The following FHIT variants were observed in gnomAD, a reference collection of about 807,000 sequenced individuals.
FHIT encodes fragile histidine triad diadenosine triphosphatase.
FHIT carries 19 observed loss-of-function variants against 17.9 expected under a neutral mutation model. That is an observed-to-expected ratio of 1.06 (90% CI 0.74 to 1.56). FHIT has a LOEUF of 1.56. Ranked by LOEUF, FHIT falls within the 40% of genes most tolerant of loss-of-function variation. The probability of loss-of-function intolerance (pLI) is 0.00; values close to 1 mark genes in which losing one functional copy is unlikely to be tolerated. For missense variants in FHIT, 248 were observed against 189.2 expected, an observed-to-expected ratio of 1.31 and a Z score of -1.82; for synonymous variants, 81 against 69.7, an observed-to-expected ratio of 1.16 and a Z score of -0.81.
intron 5 of FHIT, among the ~76,000 whole-genome samples, chr3:60,057,688 CT>C (rs1207971102): frequency 2.0e-5 from 3 of 150,114 alleles, no homozygotes; most frequent in East Asian, 3.9e-4. Context: ...ACCTTCAGGC[CT>C]CTCGAAAAAA....
chr3:60,036,807 G>C (rs1701236529), intron 5 of FHIT, among the ~76,000 whole-genome samples: 1 of 152,152 alleles, frequency 6.6e-6, no homozygotes, highest in African/African-American at 2.4e-5. Flanking sequence ...CCCCAAGATA[G>C]AGACACATTG....
At chr3:60,886,604 G>T (rs759352382) in intron 3 of FHIT, among the ~76,000 whole-genome samples, 1 of 152,148 alleles carries the variant, frequency 6.6e-6, no homozygotes, top group Non-Finnish European at 1.5e-5. Flanking sequence ...GAAAGGTAGG[G>T]TTTTAAAGCT....
intron 1 of FHIT, among the ~76,000 whole-genome samples, chr3:61,202,339 G>C (rs1316650200): frequency 1.3e-5 from 2 of 149,500 alleles, no homozygotes; most frequent in Non-Finnish European, 3.0e-5. Flanking sequence ...CAGCCGCCCT[G>C]TCTGGGAAGT....
chr3:60,721,653 T>A (rs187958810), intron 4 of FHIT, among the ~76,000 whole-genome samples: 192 of 152,270 alleles, frequency 1.3e-3, no homozygotes, highest in Admixed American at 2.6e-3. Context: ...TTCATGAATA[T>A]AAATTTTTCT....
At chr3:60,270,242 A>C (rs1289815903) in intron 5 of FHIT, among the ~76,000 whole-genome samples, 2 of 152,190 alleles carry the variant, frequency 1.3e-5, no homozygotes, top group African/African-American at 4.8e-5. Context: ...ACAGACTCCG[A>C]CCACAACTGC....
At chr3:60,219,044 A>G (rs545065884) in intron 5 of FHIT, among the ~76,000 whole-genome samples, 4 of 152,246 alleles carry the variant, frequency 2.6e-5, no homozygotes, top group Admixed American at 2.6e-4. Context: ...TTTTACTACC[A>G]TTTTAACCAA....
chr3:60,660,634 T>G (rs1553690842), intron 4 of FHIT, among the ~76,000 whole-genome samples: 3 of 151,876 alleles, frequency 2.0e-5, no homozygotes. Context: ...ATTTTTTTTA[T>G]TTAGCCATTT....
At chr3:60,493,932 C>T (rs986084264) in intron 5 of FHIT, among the ~76,000 whole-genome samples, 2 of 152,022 alleles carry the variant, frequency 1.3e-5, no homozygotes, top group South Asian at 4.1e-4. Flanking sequence ...TTGGTTAAGA[C>T]TTTGCATTAG....
At chr3:60,659,401 T>C (rs9813580) in intron 4 of FHIT, among the ~76,000 whole-genome samples, 7,966 of 152,184 alleles carry the variant, frequency 0.052, 705 homozygotes, top group African/African-American at 0.18. Flanking sequence ...TTCTGAACTC[T>C]CACAATGGGT....
chr3:60,182,083 A>G (rs1701964201), intron 5 of FHIT, among the ~76,000 whole-genome samples: 1 of 152,222 alleles, frequency 6.6e-6, no homozygotes, highest in Non-Finnish European at 1.5e-5. Context: ...ACGATATGAG[A>G]TAACTTCTAG....
At chr3:60,688,203 A>C (rs544232355) in intron 4 of FHIT, among the ~76,000 whole-genome samples, 1 of 152,262 alleles carries the variant, frequency 6.6e-6, no homozygotes, top group East Asian at 1.9e-4. Context: ...TCCTCTTTTC[A>C]ACATATCAGG....
intron 7 of FHIT, among the ~76,000 whole-genome samples, chr3:59,998,984 G>C (rs758808713): frequency 6.6e-6 from 1 of 152,030 alleles, no homozygotes; most frequent in African/African-American, 2.4e-5. Flanking sequence ...CTCTGAGGCC[G>C]GGCTCCAAAG....
intron 5 of FHIT, among the ~76,000 whole-genome samples, chr3:60,106,543 G>A (rs1001112962): frequency 2.0e-5 from 3 of 152,144 alleles, no homozygotes; most frequent in African/African-American, 7.2e-5. Flanking sequence ...ATTAGGTTCG[G>A]TACCATCTGT....
chr3:60,876,255 C>T (rs1704648423), intron 3 of FHIT, among the ~76,000 whole-genome samples: 1 of 152,002 alleles, frequency 6.6e-6, no homozygotes, highest in Non-Finnish European at 1.5e-5. Context: ...ATGGAACAAT[C>T]TGAGAATTTT....
In FHIT at chr3:60,045,556, A is replaced by T. The variant is rs75501380; in HGVS notation, c.104-31404T>A. ...GTGAGATTTGGGTGGGGACACAGCC[A>T]AACAATATCAAATGATAAATTTTAT... On this transcript the variant is annotated intron_variant, in intron 5 of 9. Coordinates refer to ENST00000492590, the MANE Select transcript of FHIT (RefSeq NM_002012.4). Among the ~76,000 whole-genome samples, 1,512 of 152,246 alleles carry T rather than the reference A, an allele frequency of 9.9e-3. 18 individuals are homozygous for T. The highest frequency in any genetic ancestry group is 0.035 in the African/African-American group (1,444 of 41,532).
chr3:59,921,778 T>C (rs537408245), intron 8 of FHIT, among the ~76,000 whole-genome samples: 2 of 152,258 alleles, frequency 1.3e-5, no homozygotes, highest in Non-Finnish European at 2.9e-5. Flanking sequence ...TGGTTCATGT[T>C]TGTAGTGGTT....
chr3:60,841,281 C>T (rs1559762892), intron 3 of FHIT, among the ~76,000 whole-genome samples: 1 of 152,176 alleles, frequency 6.6e-6, no homozygotes, highest in Admixed American at 6.5e-5. Context: ...ACGGCATGCA[C>T]TGTGTGTTAA....
chr3:60,809,809 T>C (rs1369024767), intron 4 of FHIT, among the ~76,000 whole-genome samples: 1 of 152,228 alleles, frequency 6.6e-6, no homozygotes, highest in Non-Finnish European at 1.5e-5. Flanking sequence ...TAGTCTTGAC[T>C]TGAGCTACTG....
chr3:60,075,796 T>G (rs1702981147), intron 5 of FHIT, among the ~76,000 whole-genome samples: 1 of 152,182 alleles, frequency 6.6e-6, no homozygotes, highest in Non-Finnish European at 1.5e-5. Flanking sequence ...TGGGTCCTGG[T>G]CCTGAGGCCT....
Sources: allele counts gnomAD v4.1 joint callset (sites outside exome capture counted in the v4.1 genomes callset), GRCh38; gene constraint gnomAD v4.1.1; transcripts MANE v1.5; gene names NCBI Gene and HGNC (gene_info 2026-07-23, HGNC 2026-07-21).